The following EP300 variants were observed in gnomAD, a reference collection of about 807,000 sequenced individuals.
The protein encoded by EP300 is histone acetyltransferase p300.
A neutral mutation model predicts 264.0 loss-of-function variants in EP300; 31 were observed. The ratio of observed to expected loss-of-function variants is 0.12; its 90% confidence interval spans 0.09 to 0.16. The LOEUF (loss-of-function observed/expected upper bound fraction) is 0.16, where lower values mean the gene tolerates loss of function less well. EP300 is among the 10% of genes least tolerant of loss of function. EP300 has a pLI of 1.00. For missense variants in EP300, 2,766 were observed against 3,052.9 expected (o/e 0.91, Z 2.21); for synonymous variants, 1,340 against 1,045.4 (o/e 1.28, Z -5.44).
At chr22:41,170,836 T>G (rs915352278) in intron 27 of EP300, among the ~76,000 whole-genome samples, 1 of 151,754 alleles carries the variant, frequency 6.6e-6, no homozygotes, top group Admixed American at 6.6e-5. Flanking sequence ...TAAATTTTTT[T>G]GTATTTTTAG....
In EP300 at chr22:41,178,874, C is replaced by T. The variant is rs1180547319; in HGVS notation, c.7163C>T (p.Ala2388Val). Residue 2388 changes from alanine (A) to valine (V), a missense_variant, in exon 31 of 31, where the codon GCA becomes GTA. Coordinates refer to ENST00000263253, the MANE Select transcript of EP300 (RefSeq NM_001429.4). ...CCAGGCATGGCAAACCTCCATGGTG[C>T]AAGCGCCACGGACCTGGGACTCAGC... ...SNPGMANLHGASATDLGLSTD... is the reference protein window; with the variant it reads ...SNPGMANLHGVSATDLGLSTD... 13 of 1,614,076 alleles carry T rather than the reference C, an allele frequency of 8.1e-6. No homozygotes were observed. The highest frequency in any genetic ancestry group is 1.1e-5 in the South Asian group (1 of 91,090).
intron 29 of EP300, among the ~76,000 whole-genome samples, chr22:41,175,024 A>G (rs1029199502): frequency 2.6e-5 from 4 of 151,724 alleles, no homozygotes; most frequent in Admixed American, 2.0e-4. Context: ...CAGCCATGCT[A>G]GTGAAATGGA....
intron 17 of EP300, among the ~76,000 whole-genome samples, chr22:41,156,839 G>A (rs1252835180): frequency 6.6e-6 from 1 of 152,114 alleles, no homozygotes; most frequent in Non-Finnish European, 1.5e-5. Context: ...TTTCCTCATT[G>A]TACACCCCTT....
At chr22:41,139,891 A>C (rs1257649998) in intron 8 of EP300, among the ~76,000 whole-genome samples, 1 of 152,130 alleles carries the variant, frequency 6.6e-6, no homozygotes, top group Non-Finnish European at 1.5e-5. Flanking sequence ...CCAAAGTAAT[A>C]TTTTGCTTTA....
rs762806916 is a variant in EP300 at position 41,166,676 on chromosome 22, A to T, written c.3874+10A>T. 3 of 1,606,088 alleles carry T rather than the reference A, an allele frequency of 1.9e-6. No individual in the cohort carries two copies. The highest frequency in any genetic ancestry group is 2.6e-6 in the Non-Finnish European group (3 of 1,174,434). On this transcript the variant is annotated intron_variant, in intron 23 of 30. Coordinates refer to ENST00000263253, the MANE Select transcript of EP300 (RefSeq NM_001429.4). ...AAGTTTTCTGCTAAAAGTAAGTTTT[A>T]TTCTTAAAGGTAAATTTTGGCAAAA... is the stretch of plus-strand genomic sequence containing the variant.
At chr22:41,096,868 C>G (rs2058705527) in intron 1 of EP300, among the ~76,000 whole-genome samples, 2 of 152,154 alleles carry the variant, frequency 1.3e-5, no homozygotes, top group African/African-American at 4.8e-5. Context: ...ATCCACCCGC[C>G]TCAGCCTCCC....
In EP300 at chr22:41,170,613, G is replaced by C. The variant is rs1455998698; in HGVS notation, c.4452+42G>C. On this transcript the variant is annotated intron_variant, in intron 27 of 30. Transcript: ENST00000263253. The stretch of plus-strand genomic sequence containing the variant: ...GGGCCAGGTGCTGACAATAGATCTG[G>C]AAATGCACTAATGTTGCTGCTCTTT... 5 of 1,502,966 alleles carry C rather than the reference G, an allele frequency of 3.3e-6. No homozygotes were observed. The South Asian group carries it at 3.4e-5, about 10-fold the overall frequency. The allele number at this position is 1,502,966 out of a possible 1,614,324, so 93.1% of individuals were successfully genotyped here. A position where few individuals can be genotyped will look rare whatever the true frequency, so the allele number is the denominator to read the frequency against.
At chr22:41,165,749 T>G (rs2059130603) in intron 22 of EP300, among the ~76,000 whole-genome samples, 1 of 151,498 alleles carries the variant, frequency 6.6e-6, no homozygotes, top group African/African-American at 2.4e-5. Flanking sequence ...TGTATTTAAT[T>G]TTTAATTTTT....
rs149708046 is a variant in EP300 at position 41,155,580 on chromosome 22, T to A, written c.3261+467T>A. ...ATTCACAGAGTTGTGCATGACACTTTCATTTTCATCATCTGAAAAAAATCC... is the reference window on the plus strand; with the variant it reads ...ATTCACAGAGTTGTGCATGACACTTACATTTTCATCATCTGAAAAAAATCC... On this transcript the variant is annotated intron_variant, in intron 17 of 30. Coordinates refer to ENST00000263253, the MANE Select transcript of EP300 (RefSeq NM_001429.4). Among the ~76,000 whole-genome samples the A allele has an allele frequency of 6.4e-4, 97 of 152,288 alleles. 1 individual carries two copies. The East Asian group carries it at 0.018, about 28-fold the overall frequency.
intron 21 of EP300, among the ~76,000 whole-genome samples, chr22:41,163,239 T>C (rs1388723367): frequency 7.0e-6 from 1 of 143,710 alleles, no homozygotes; most frequent in Non-Finnish European, 1.5e-5. Flanking sequence ...ATCGAGACCA[T>C]CCCGGCTAAA....
chr22:41,178,803 T>C lies in EP300; in HGVS notation c.7092T>C (p.Phe2364=). The change falls in exon 31 of 31, where the codon TTT becomes TTC. Residue 2364 remains phenylalanine, a synonymous_variant. Coordinates refer to ENST00000263253, the MANE Select transcript of EP300 (RefSeq NM_001429.4). ...CCAACCCCATGGAACAAGGGCATTTTGCCAGCCCGGACCAGAATTCAATGC... is the reference window on the plus strand; with the variant it reads ...CCAACCCCATGGAACAAGGGCATTTCGCCAGCCCGGACCAGAATTCAATGC... ...AQANPMEQGH[F]ASPDQNSMLS... 1 of 1,614,170 alleles carries C rather than the reference T, an allele frequency of 6.2e-7. No individual in the cohort carries two copies. Among genetic ancestry groups the C allele is most frequent in the South Asian group, 1.1e-5 (1 of 91,080 alleles).
rs1008682847 is a variant in EP300, at chr22:41,128,421, A to G, written c.1168+673A>G. Among the ~76,000 whole-genome samples the G allele has an allele frequency of 5.9e-5, 9 of 152,102 alleles. 1 individual carries two copies. The highest frequency in any genetic ancestry group is 9.7e-5 in the African/African-American group (4 of 41,404). On this transcript the variant is annotated intron_variant, in intron 4 of 30. Transcript: ENST00000263253. ...GGTTGGTGTGATTCGACATCATACCACTGCACTCCAGCCTGGACGATAGAA... is the reference window on the plus strand; with the variant it reads ...GGTTGGTGTGATTCGACATCATACCGCTGCACTCCAGCCTGGACGATAGAA...
intron 2 of EP300, among the ~76,000 whole-genome samples, chr22:41,122,475 T>A (rs539299198): frequency 6.6e-6 from 1 of 152,142 alleles, no homozygotes; most frequent in African/African-American, 2.4e-5. Context: ...CAAGAAATTA[T>A]CTTCTCTGAA....
At chr22:41,153,901 G>A (rs567259650) in intron 16 of EP300, among the ~76,000 whole-genome samples, 10 of 152,028 alleles carry the variant, frequency 6.6e-5, no homozygotes, top group Admixed American at 6.5e-4. Flanking sequence ...ATTATCTGAA[G>A]TAACAAATAT....
chr22:41,123,301 G>C lies in EP300; in HGVS notation c.730-2563G>C, dbSNP rs573774850. On this transcript the variant is annotated intron_variant, in intron 2 of 30. Transcript: ENST00000263253. ...GGAAAGGGAAAAGCTTGAGGCAAATGCTGGAGGCTCAAGGAGCGTGATACT... is the reference window on the plus strand; with the variant it reads ...GGAAAGGGAAAAGCTTGAGGCAAATCCTGGAGGCTCAAGGAGCGTGATACT... Among the ~76,000 whole-genome samples the C allele has an allele frequency of 3.9e-5, 6 of 152,100 alleles. No individual in the cohort carries two copies. The South Asian group carries it at 1.2e-3, about 32-fold the overall frequency.
chr22:41,158,498 C>T lies in EP300; in HGVS notation c.3588C>T (p.Asn1196=), dbSNP rs2145749796. ...PRDATYYSYQ[N]RYHFCEKCFN... is the part of the protein sequence containing the mutation. ...ATGCCACTTATTACAGTTACCAGAA[C>T]AGGTAAGCTTGGCCAGGTGTGGACC... The change falls in exon 19 of 31, where the codon AAC becomes AAT. Residue 1196 remains asparagine, a splice_region_variant and synonymous_variant. Coordinates refer to ENST00000263253, the MANE Select transcript of EP300 (RefSeq NM_001429.4). 1 of 1,613,924 alleles carries T rather than the reference C, an allele frequency of 6.2e-7. No individual in the cohort carries two copies. The highest frequency in any genetic ancestry group is 8.5e-7 in the Non-Finnish European group (1 of 1,179,868).
chr22:41,144,241 A>G lies in EP300; in HGVS notation c.2054-2498A>G, dbSNP rs191776853. Among the ~76,000 whole-genome samples the G allele has an allele frequency of 2.5e-4, 38 of 152,304 alleles. No homozygotes were observed. In the South Asian group the frequency reaches 4.6e-3, roughly 18 times the overall value. ...AATTCCAGGATACTTGTGTTGTGTGATAAAGGGTTTTTGATTATTTGACTT... is the reference window on the plus strand; with the variant it reads ...AATTCCAGGATACTTGTGTTGTGTGGTAAAGGGTTTTTGATTATTTGACTT... On this transcript the variant is annotated intron_variant, in intron 10 of 30. Transcript: ENST00000263253.
intron 2 of EP300, among the ~76,000 whole-genome samples, chr22:41,119,547 G>T (rs796262407): frequency 2.0e-4 from 30 of 152,144 alleles, no homozygotes; most frequent in African/African-American, 5.8e-4. Flanking sequence ...AGTAGTGAAT[G>T]AACTTATTTT....
At chr22:41,147,985 C>T (rs1371102241) in intron 12 of EP300, 39 bp downstream of exon 12, 49 of 1,418,888 alleles carry the variant, frequency 3.5e-5, no homozygotes, top group Non-Finnish European at 4.5e-5. Flanking sequence ...TGGCCTTTAC[C>T]TGGTATTTTG....
Sources: allele counts gnomAD v4.1 joint callset (sites outside exome capture counted in the v4.1 genomes callset), GRCh38; gene constraint gnomAD v4.1.1; transcripts MANE v1.5; gene names NCBI Gene and HGNC (gene_info 2026-07-23, HGNC 2026-07-21).